CADPS: variants seen among roughly 807,000 people sequenced by gnomAD.
CADPS encodes the protein calcium dependent secretion activator.
Under a neutral mutation model 167.3 loss-of-function variants are expected in CADPS, and 57 were observed. The ratio of observed to expected loss-of-function variants is 0.34; its 90% confidence interval spans 0.28 to 0.42. CADPS has a LOEUF of 0.42. Ranked by LOEUF, CADPS falls within the 20% of genes least tolerant of loss-of-function variation. The pLI is 1.00. For missense variants in CADPS, 1,414 were observed against 1,738.1 expected (o/e 0.81, Z 3.32); for synonymous variants, 676 against 635.3 (o/e 1.06, Z -0.96).
At chr3:62,806,476 G>C (rs2094108120) in intron 1 of CADPS, among the ~76,000 whole-genome samples, 1 of 152,006 alleles carries the variant, frequency 6.6e-6, no homozygotes, top group African/African-American at 2.4e-5. Context: ...AGGCTGCAGA[G>C]AGCTGTGATC....
intron 6 of CADPS, among the ~76,000 whole-genome samples, chr3:62,608,929 A>G (rs2061090235): frequency 6.6e-6 from 1 of 152,194 alleles, no homozygotes; most frequent in African/African-American, 2.4e-5. Flanking sequence ...GCCCAGGTAA[A>G]GTAAGAGAGC....
chr3:62,532,564 G>T (rs1214233665), intron 13 of CADPS, among the ~76,000 whole-genome samples: 1 of 152,114 alleles, frequency 6.6e-6, no homozygotes, highest in Non-Finnish European at 1.5e-5. Context: ...AGAAAACCGT[G>T]GCACAAAGGG....
At chr3:62,591,145 A>G (rs2085917694) in intron 7 of CADPS, among the ~76,000 whole-genome samples, 1 of 152,166 alleles carries the variant, frequency 6.6e-6, no homozygotes, top group Non-Finnish European at 1.5e-5. Context: ...GGCGTGAGCC[A>G]CCGCGCCTGG....
intron 6 of CADPS, among the ~76,000 whole-genome samples, chr3:62,642,810 T>G (rs2067696848): frequency 6.6e-6 from 1 of 152,050 alleles, no homozygotes; most frequent in Admixed American, 6.6e-5. Flanking sequence ...CTCAGGAGAC[T>G]GAGGTGGGAG....
chr3:62,602,120 C>G lies in CADPS; in HGVS notation c.1326-9372G>C, dbSNP rs1224503596. Among the ~76,000 whole-genome samples the G allele has an allele frequency of 6.6e-6, 1 of 152,086 alleles. No individual in the cohort carries two copies. Among genetic ancestry groups the G allele is most frequent in the African/African-American group, 2.4e-5 (1 of 41,394 alleles). On this transcript the variant is annotated intron_variant, in intron 6 of 29. Coordinates refer to ENST00000383710, the MANE Select transcript of CADPS (RefSeq NM_003716.4). The surrounding 1 kb of genome is among the most constrained non-coding windows in gnomAD (Gnocchi z 4.4). ...AACATTTGCCACATAGGGAATATAC[C>G]TCCCAAAATGACAGTAAACATCCAC...
intron 3 of CADPS, among the ~76,000 whole-genome samples, chr3:62,668,078 T>C (rs1367280404): frequency 1.3e-5 from 2 of 152,188 alleles, no homozygotes; most frequent in Non-Finnish European, 2.9e-5. Context: ...AACCCTAGAC[T>C]CTTCCAAAGT....
At chr3:62,563,804 T>A (rs2079603399) in intron 9 of CADPS, among the ~76,000 whole-genome samples, 1 of 152,212 alleles carries the variant, frequency 6.6e-6, no homozygotes, top group African/African-American at 2.4e-5. Flanking sequence ...TGGTTTTCCA[T>A]TCCTGAGTTA....
Position 62,576,788 on chromosome 3 carries a change from T to TAAAAAAAAA in CADPS, c.1578-5859_1578-5851dup, listed in dbSNP as rs138055445. Among the ~76,000 whole-genome samples, 100 of 29,858 alleles carry TAAAAAAAAA rather than the reference T, an allele frequency of 3.3e-3. 12 individuals carry two copies. Among genetic ancestry groups the TAAAAAAAAA allele is most frequent in the African/African-American group, 0.011 (87 of 8,202 alleles). The allele number at this position is 29,858 out of a possible 152,430, so 19.6% of individuals were successfully genotyped here. ...CTGGGTGACAGAGCAAGACTCTGTCTAAAAAAAAAAAAAAAAAAAAAAAAA... is the reference window on the plus strand; with the variant it reads ...CTGGGTGACAGAGCAAGACTCTGTCTAAAAAAAAAAAAAAAAAAAAAAAAAAAAAAAAAA... On this transcript the variant is annotated intron_variant, in intron 8 of 29. Coordinates refer to ENST00000383710, the MANE Select transcript of CADPS (RefSeq NM_003716.4).
At chr3:62,706,614 C>G (rs959497844) in intron 3 of CADPS, among the ~76,000 whole-genome samples, 4 of 152,076 alleles carry the variant, frequency 2.6e-5, no homozygotes, top group Non-Finnish European at 5.9e-5. Context: ...CTGGGCCTCT[C>G]CCTAGCTTCT....
At chr3:62,739,994 G>A (rs2079851280) in intron 3 of CADPS, among the ~76,000 whole-genome samples, 1 of 152,182 alleles carries the variant, frequency 6.6e-6, no homozygotes, top group East Asian at 1.9e-4. Context: ...AATAATGCTG[G>A]ATAGCCAACA....
intron 2 of CADPS, among the ~76,000 whole-genome samples, chr3:62,754,741 T>G (rs1349200735): frequency 1.3e-5 from 2 of 152,194 alleles, no homozygotes; most frequent in African/African-American, 4.8e-5. Context: ...TGTGTTAATG[T>G]GTAAAACACA....
chr3:62,804,149 G>A (rs1456994882), intron 1 of CADPS, among the ~76,000 whole-genome samples: 2 of 152,088 alleles, frequency 1.3e-5, no homozygotes, highest in African/African-American at 2.4e-5. Context: ...TCCCCCAGTT[G>A]ATTACATGCT....
chr3:62,508,795 CT>C (rs1320149108), intron 17 of CADPS, among the ~76,000 whole-genome samples: 2 of 152,100 alleles, frequency 1.3e-5, no homozygotes, highest in Non-Finnish European at 2.9e-5. Context: ...AGCATCACAT[CT>C]TTTTTTCTGA....
rs188963363 is a variant in CADPS at position 62,836,063 on chromosome 3, A to C, written c.441+38526T>G. On this transcript the variant is annotated intron_variant, in intron 1 of 29. Coordinates refer to ENST00000383710, the MANE Select transcript of CADPS (RefSeq NM_003716.4). ...AGTTTTGTTGAGCACCCTCTGGTTA[A>C]TCCAGTGTTTCCTAACCTTGGATGT... is the stretch of plus-strand genomic sequence containing the variant. Among the ~76,000 whole-genome samples, 1,119 of 152,258 alleles carry C rather than the reference A, an allele frequency of 7.3e-3. 11 individuals are homozygous for C. The highest frequency in any genetic ancestry group is 0.044 in the Middle Eastern group (13 of 294).
intron 3 of CADPS, among the ~76,000 whole-genome samples, chr3:62,694,893 A>C (rs1315039650): frequency 6.6e-6 from 1 of 152,116 alleles, no homozygotes; most frequent in Non-Finnish European, 1.5e-5. Context: ...GCCATCAATC[A>C]GATAATTATA....
At chr3:62,537,234 C>G (rs1365707042) in intron 11 of CADPS, among the ~76,000 whole-genome samples, 1 of 152,136 alleles carries the variant, frequency 6.6e-6, no homozygotes, top group Non-Finnish European at 1.5e-5. Context: ...ACTCAGTTAG[C>G]AAAGCTTAGG....
At chr3:62,873,617 C>CGTT (rs575422616) in intron 1 of CADPS, among the ~76,000 whole-genome samples, 1 of 132,320 alleles carries the variant, frequency 7.6e-6, no homozygotes, top group Non-Finnish European at 1.6e-5. Flanking sequence ...AAATAGGCGC[C>CGTT]TTTTTTTTTT....
chr3:62,704,887 TC>T (rs2082049919), intron 3 of CADPS, among the ~76,000 whole-genome samples: 1 of 152,100 alleles, frequency 6.6e-6, no homozygotes, highest in Non-Finnish European at 1.5e-5. Flanking sequence ...AAGATCTCTT[TC>T]CCTCTCTTTG....
At position 62,514,139 on chromosome 3, in the gene CADPS, C is replaced by T. The variant is rs2068460960; in HGVS notation, c.2582-1371G>A. On this transcript the variant is annotated intron_variant, in intron 16 of 29. Coordinates refer to ENST00000383710, the MANE Select transcript of CADPS (RefSeq NM_003716.4). This position sits in a 1 kb window ranked among gnomAD's most constrained non-coding sequence, Gnocchi z 4.2. ...CTCAGATAACAAAGCTGTTAATTCTCACAGAGGGGCTCAAATGTAAAAAAT... is the reference window on the plus strand; with the variant it reads ...CTCAGATAACAAAGCTGTTAATTCTTACAGAGGGGCTCAAATGTAAAAAAT... Among the ~76,000 whole-genome samples, 1 of 152,078 alleles carries T rather than the reference C, an allele frequency of 6.6e-6. No individual in the cohort carries two copies. The highest frequency in any genetic ancestry group is 2.4e-5 in the African/African-American group (1 of 41,430).
Sources: allele counts gnomAD v4.1 joint callset (sites outside exome capture counted in the v4.1 genomes callset), GRCh38; gene constraint gnomAD v4.1.1; non-coding constraint Gnocchi (gnomAD v3.1); transcripts MANE v1.5; gene names NCBI Gene and HGNC (gene_info 2026-07-23, HGNC 2026-07-21).